The following SPIDR variants were observed in gnomAD, a reference collection of about 807,000 sequenced individuals.
The protein encoded by SPIDR is DNA repair-scaffolding protein.
Under a neutral mutation model 104.6 loss-of-function variants are expected in SPIDR, and 93 were observed. The observed-to-expected ratio is 0.89, with a 90% confidence interval of 0.75 to 1.06. The LOEUF (loss-of-function observed/expected upper bound fraction) is 1.06, where lower values mean the gene tolerates loss of function less well. Ranked by LOEUF, SPIDR falls within the 50% of genes least tolerant of loss-of-function variation. The probability of loss-of-function intolerance (pLI) is 0.00; values close to 1 mark genes in which losing one functional copy is unlikely to be tolerated. For missense variants in SPIDR, 1,154 were observed against 1,111.2 expected (o/e 1.04, Z -0.55); for synonymous variants, 431 against 416.9 (o/e 1.03, Z -0.41).
intron 6 of SPIDR, among the ~76,000 whole-genome samples, chr8:47,406,285 G>T (rs2062747070): frequency 6.6e-6 from 1 of 152,144 alleles, no homozygotes; most frequent in Non-Finnish European, 1.5e-5. Context: ...AGACTGCCTA[G>T]GCGTGCATCC....
intron 5 of SPIDR, among the ~76,000 whole-genome samples, chr8:47,299,499 T>G (rs1157301751): frequency 6.6e-6 from 1 of 151,858 alleles, no homozygotes; most frequent in Non-Finnish European, 1.5e-5. Context: ...TGAATAGGAG[T>G]GGTGAGAGAG....
chr8:47,387,004 C>T (rs2060029342), intron 5 of SPIDR, among the ~76,000 whole-genome samples: 1 of 151,986 alleles, frequency 6.6e-6, no homozygotes, highest in African/African-American at 2.4e-5. Context: ...TGCCCCAGCC[C>T]CAGCACTCAC....
chr8:47,283,838 C>T (rs1415760386), intron 2 of SPIDR, among the ~76,000 whole-genome samples, 190 bp from the exon 3 acceptor site: 3 of 152,078 alleles, frequency 2.0e-5, no homozygotes, highest in Non-Finnish European at 4.4e-5. Context: ...TCTTTAGATT[C>T]AGGAAAAATA....
chr8:47,506,380 A>T (rs1407737239), intron 8 of SPIDR, among the ~76,000 whole-genome samples: 1 of 152,212 alleles, frequency 6.6e-6, no homozygotes, highest in Non-Finnish European at 1.5e-5. Flanking sequence ...CCTAGAGGGC[A>T]GTCCCAAAAT....
intron 11 of SPIDR, among the ~76,000 whole-genome samples, chr8:47,700,103 A>G (rs576140239): frequency 2.0e-5 from 3 of 152,298 alleles, no homozygotes; most frequent in Non-Finnish European, 2.9e-5. Flanking sequence ...TTAGCAGGGT[A>G]TCACAAACAT....
chr8:47,503,619 A>T (rs1275786933), intron 8 of SPIDR, among the ~76,000 whole-genome samples: 1 of 152,184 alleles, frequency 6.6e-6, no homozygotes, highest in Non-Finnish European at 1.5e-5. Flanking sequence ...TAATTGGCGC[A>T]TTTAGCCCAT....
rs1205489334 is a variant in SPIDR at position 47,307,543 on chromosome 8, T to G, written c.525+13513T>G. Among the ~76,000 whole-genome samples, 34 of 139,920 alleles carry G rather than the reference T, an allele frequency of 2.4e-4. 1 individual carries two copies. The East Asian group carries it at 4.1e-3, about 17-fold the overall frequency. The allele number at this position is 139,920 out of a possible 152,430, so 91.8% of individuals were successfully genotyped here. ...CTCTTTTCTCATTTCGTTTTTTTTT[T>G]TTTTTTTTTTTTTGAGACAGAGTCT... On this transcript the variant is annotated intron_variant, in intron 5 of 19. Coordinates refer to ENST00000297423, the MANE Select transcript of SPIDR (RefSeq NM_001080394.4).
intron 5 of SPIDR, among the ~76,000 whole-genome samples, chr8:47,365,604 C>T (rs2057047551): frequency 2.0e-5 from 3 of 152,162 alleles, no homozygotes; most frequent in South Asian, 2.1e-4. Flanking sequence ...AGTTCTGTTC[C>T]TTTTCCTGCA....
In SPIDR at chr8:47,329,156, C is replaced by T. The variant is rs535345579; in HGVS notation, c.525+35126C>T. Among the ~76,000 whole-genome samples, 34 of 151,932 alleles carry T rather than the reference C, an allele frequency of 2.2e-4. No individual in the cohort carries two copies. In the South Asian group the frequency reaches 5.4e-3, roughly 24 times the overall value. On this transcript the variant is annotated intron_variant, in intron 5 of 19. Transcript: ENST00000297423. ...TGTAATCTCAGCTCACTGCAACCTC[C>T]GCCTCCTGGGTTCACGCCATTCTCC...
At chr8:47,348,863 A>G (rs1554620271) in intron 5 of SPIDR, among the ~76,000 whole-genome samples, 1 of 151,912 alleles carries the variant, frequency 6.6e-6, no homozygotes, top group Non-Finnish European at 1.5e-5. Flanking sequence ...TCTTTTTTCA[A>G]CGTTTTTAGC....
chr8:47,289,069 G>T (rs2039417138), intron 3 of SPIDR, among the ~76,000 whole-genome samples: 1 of 152,074 alleles, frequency 6.6e-6, no homozygotes, highest in Non-Finnish European at 1.5e-5. Flanking sequence ...GAGTGCTGTG[G>T]TGCAGTCATA....
At chr8:47,505,504 G>T (rs1183757518) in intron 8 of SPIDR, among the ~76,000 whole-genome samples, 1 of 152,178 alleles carries the variant, frequency 6.6e-6, no homozygotes, top group Non-Finnish European at 1.5e-5. Context: ...ATTAGGGTGG[G>T]AGTGACCCAA....
Position 47,280,010 on chromosome 8 carries a change from G to A in SPIDR, c.182G>A (p.Gly61Glu). 1.2e-6 allele frequency: 2 copies of A among 1,613,436 alleles called. No homozygotes were observed. Among genetic ancestry groups the A allele is most frequent in the Admixed American group, 1.7e-5 (1 of 59,808 alleles). The change falls in exon 2 of 20, where the codon GGG becomes GAG. Residue 61 changes from glycine (G) to glutamate (E), a missense_variant. Coordinates refer to ENST00000297423, the MANE Select transcript of SPIDR (RefSeq NM_001080394.4). Reference sequence around the variant, plus strand: ...GGAGAAGGGTTTCAGAACACTTCTGGGAATCCGGTAAAGTATCTGTAGAAT... The same window carrying A: ...GGAGAAGGGTTTCAGAACACTTCTGAGAATCCGGTAAAGTATCTGTAGAAT... Reference protein sequence around the residue: ...RCGEGFQNTSGNPSLTAEEKT... With the variant: ...RCGEGFQNTSENPSLTAEEKT...
intron 10 of SPIDR, among the ~76,000 whole-genome samples, chr8:47,608,584 C>T (rs1052170542): frequency 6.6e-6 from 1 of 152,178 alleles, no homozygotes; most frequent in Admixed American, 6.5e-5. Context: ...TACCAGGGTT[C>T]CACTTTCTCC....
chr8:47,657,998 C>T (rs2073172271), intron 10 of SPIDR, among the ~76,000 whole-genome samples: 1 of 132,928 alleles, frequency 7.5e-6, no homozygotes. Context: ...CCACTGCACA[C>T]CAGCCTGGGC....
intron 8 of SPIDR, among the ~76,000 whole-genome samples, chr8:47,584,700 T>TA (rs2060085585): frequency 6.6e-6 from 1 of 152,184 alleles, no homozygotes. Context: ...GTTAAAACAG[T>TA]ATTACTTTAT....
intron 8 of SPIDR, among the ~76,000 whole-genome samples, chr8:47,495,500 T>C (rs886385592): frequency 6.6e-6 from 1 of 152,202 alleles, no homozygotes; most frequent in Admixed American, 6.5e-5. Flanking sequence ...AATGTTTTCA[T>C]TACCCCGAAT....
At chr8:47,491,009 T>C (rs1355748246) in intron 8 of SPIDR, among the ~76,000 whole-genome samples, 1 of 151,890 alleles carries the variant, frequency 6.6e-6, no homozygotes, top group Non-Finnish European at 1.5e-5. Flanking sequence ...AAATAAAATA[T>C]AATCACTGAA....
chr8:47,286,684 A>G (rs1007575821), intron 3 of SPIDR, among the ~76,000 whole-genome samples: 1 of 152,220 alleles, frequency 6.6e-6, no homozygotes, highest in Admixed American at 6.5e-5. Flanking sequence ...CTTTCTAATA[A>G]AGAACCATCA....
Sources: allele counts gnomAD v4.1 joint callset (sites outside exome capture counted in the v4.1 genomes callset), GRCh38; gene constraint gnomAD v4.1.1; transcripts MANE v1.5; gene names NCBI Gene and HGNC (gene_info 2026-07-23, HGNC 2026-07-21).